STPG2: variants seen among roughly 807,000 people sequenced by gnomAD.
The protein encoded by STPG2 is sperm tail PG-rich repeat containing 2.
A neutral mutation model predicts 54.2 loss-of-function variants in STPG2; 56 were observed. That is an observed-to-expected ratio of 1.03 (90% CI 0.83 to 1.29). STPG2 has a LOEUF of 1.29. Ranked by LOEUF, STPG2 falls within the 50% of genes most tolerant of loss-of-function variation. STPG2 has a pLI of 0.00. For missense variants in STPG2, 596 were observed against 544.9 expected (o/e 1.09, Z -0.93); for synonymous variants, 200 against 181.8 (o/e 1.10, Z -0.81).
intron 4 of STPG2, among the ~76,000 whole-genome samples, chr4:97,544,984 G>A (rs1444229298): frequency 2.6e-5 from 4 of 152,052 alleles, no homozygotes; most frequent in Non-Finnish European, 4.4e-5. Flanking sequence ...GCTTCCCAAC[G>A]TGTGCTCTAG....
chr4:97,724,732 A>T (rs1478867953), intron 9 of STPG2, among the ~76,000 whole-genome samples: 1 of 152,084 alleles, frequency 6.6e-6, no homozygotes, highest in Non-Finnish European at 1.5e-5. Context: ...TATTGATGTG[A>T]ACCACCTACT....
intron 4 of STPG2, among the ~76,000 whole-genome samples, chr4:97,474,967 C>A (rs1730035164): frequency 6.6e-6 from 1 of 151,964 alleles, no homozygotes. Context: ...TGGTTCTCTA[C>A]AAGTTAATTC....
intron 8 of STPG2, among the ~76,000 whole-genome samples, chr4:97,884,756 T>A (rs1730502508): frequency 6.6e-6 from 1 of 152,148 alleles, no homozygotes; most frequent in Non-Finnish European, 1.5e-5. Context: ...AGAAGGGTTA[T>A]AGAGCTAAGA....
At chr4:97,936,716 T>C (rs1732758211) in intron 8 of STPG2, among the ~76,000 whole-genome samples, 1 of 152,198 alleles carries the variant, frequency 6.6e-6, no homozygotes. Context: ...CCCACTCTCT[T>C]CTGGCTTGCA....
chr4:97,939,167 C>G (rs1426738883), intron 8 of STPG2, among the ~76,000 whole-genome samples: 1 of 151,996 alleles, frequency 6.6e-6, no homozygotes, highest in Non-Finnish European at 1.5e-5. Context: ...ACACTGTGGT[C>G]CAAGGATGCG....
intron 5 of STPG2, among the ~76,000 whole-genome samples, chr4:98,069,955 G>C (rs1364216942): frequency 6.6e-6 from 1 of 151,828 alleles, no homozygotes; most frequent in Non-Finnish European, 1.5e-5. Context: ...AGAGTCAGAG[G>C]TACAAAAAAG....
chr4:97,914,604 C>T (rs1308586655), intron 8 of STPG2, among the ~76,000 whole-genome samples: 1 of 152,084 alleles, frequency 6.6e-6, no homozygotes, highest in African/African-American at 2.4e-5. Context: ...CTCTCCTCCC[C>T]ACTTGCAACC....
chr4:97,937,238 T>C (rs1408519001), intron 8 of STPG2, among the ~76,000 whole-genome samples: 3 of 152,098 alleles, frequency 2.0e-5, no homozygotes, highest in Admixed American at 6.6e-5. Flanking sequence ...AGGCCATTTA[T>C]GTTCCTCTCT....
intron 4 of STPG2, among the ~76,000 whole-genome samples, chr4:97,542,664 T>G (rs771781119): frequency 1.3e-5 from 2 of 152,174 alleles, no homozygotes; most frequent in Non-Finnish European, 1.5e-5. Context: ...TAAAGACACA[T>G]GCACACGTAT....
intron 10 of STPG2, among the ~76,000 whole-genome samples, chr4:97,609,502 A>C (rs1733682004): frequency 6.6e-6 from 1 of 152,086 alleles, no homozygotes; most frequent in East Asian, 1.9e-4. Flanking sequence ...GCAAATGTCC[A>C]TTAAGGTAAG....
At chr4:97,825,450 C>T (rs1026714501) in intron 9 of STPG2, among the ~76,000 whole-genome samples, 1 of 152,030 alleles carries the variant, frequency 6.6e-6, no homozygotes, top group African/African-American at 2.4e-5. Context: ...ATGTCCCCAC[C>T]CGACCCCTAC....
At chr4:97,937,746 G>T (rs1004382494) in intron 8 of STPG2, among the ~76,000 whole-genome samples, 7 of 152,082 alleles carry the variant, frequency 4.6e-5, no homozygotes, top group Non-Finnish European at 1.0e-4. Flanking sequence ...AGCAAAGATG[G>T]GTGCCTGCTC....
chr4:97,620,541 A>C (rs1733984312), intron 10 of STPG2, among the ~76,000 whole-genome samples: 1 of 152,206 alleles, frequency 6.6e-6, no homozygotes, highest in Non-Finnish European at 1.5e-5. Flanking sequence ...AGATCACAAG[A>C]GAAAGAAGGG....
chr4:97,864,869 T>C (rs1578636517), intron 8 of STPG2, among the ~76,000 whole-genome samples: 2 of 152,148 alleles, frequency 1.3e-5, no homozygotes. Flanking sequence ...CAAATGGTGC[T>C]GGGAAAACTG....
At chr4:97,668,942 A>G in intron 10 of STPG2, among the ~76,000 whole-genome samples, 1 of 152,114 alleles carries the variant, frequency 6.6e-6, no homozygotes, top group Non-Finnish European at 1.5e-5. Context: ...AGAAAATAGG[A>G]CAGGGCAGAA....
At chr4:97,823,268 T>C (rs1195149999) in intron 9 of STPG2, among the ~76,000 whole-genome samples, 1 of 152,196 alleles carries the variant, frequency 6.6e-6, no homozygotes, top group Non-Finnish European at 1.5e-5. Context: ...CTTCAAAGGA[T>C]AGGCTGACTC....
chr4:97,518,747 A>G (rs1731124886), intron 4 of STPG2, among the ~76,000 whole-genome samples: 2 of 152,026 alleles, frequency 1.3e-5, no homozygotes, highest in Non-Finnish European at 2.9e-5. Flanking sequence ...AAGTCCTCCA[A>G]ATGAACTGCC....
chr4:97,745,538 A>G (rs1389131161), intron 9 of STPG2, among the ~76,000 whole-genome samples: 1 of 151,186 alleles, frequency 6.6e-6, no homozygotes, highest in Non-Finnish European at 1.5e-5. Flanking sequence ...ACAGCTTCAT[A>G]TATTCCATTA....
intron 8 of STPG2, among the ~76,000 whole-genome samples, chr4:97,919,876 T>G (rs1448950181): frequency 6.6e-6 from 1 of 152,216 alleles, no homozygotes; most frequent in Non-Finnish European, 1.5e-5. Context: ...TTGCATTCCC[T>G]GTCTATAACT....
Sources: gnomAD v4.1 joint callset for allele counts (sites outside exome capture counted in the v4.1 genomes callset) on GRCh38, gnomAD v4.1.1 for gene constraint, MANE v1.5 for transcripts, NCBI Gene and HGNC (gene_info 2026-07-23, HGNC 2026-07-21) for gene names.